Variants in SLC4A7 observed in about 807,000 individuals in gnomAD.
The protein encoded by SLC4A7 is solute carrier family 4 member 7.
A neutral mutation model predicts 137.6 loss-of-function variants in SLC4A7; 51 were observed. The observed-to-expected ratio is 0.37, with a 90% CI of 0.30 to 0.47. The LOEUF (loss-of-function observed/expected upper bound fraction) is 0.47, where lower values mean the gene tolerates loss of function less well. Among genes scored for constraint, SLC4A7 ranks in the 20% least tolerant of loss-of-function variants. SLC4A7 has a pLI of 1.00. For synonymous variants in SLC4A7, 542 were observed against 518.6 expected (o/e 1.05, Z -0.61); for missense variants, 1,247 against 1,525.4 (o/e 0.82, Z 3.04).
intron 14 of SLC4A7, among the ~76,000 whole-genome samples, chr3:27,403,808 C>T (rs1362137544): frequency 6.6e-6 from 1 of 152,126 alleles, no homozygotes; most frequent in African/African-American, 2.4e-5. Flanking sequence ...TAACCAGCTC[C>T]AACATCATTA....
chr3:27,390,195 A>T (rs770285150), intron 21 of SLC4A7, 91 bp from the exon 22 acceptor site: 1 of 562,118 alleles, frequency 1.8e-6, no homozygotes, highest in Non-Finnish European at 3.0e-6. Context: ...GATTTTGTGT[A>T]TTAAATTGTA....
At chr3:27,391,009 G>A (rs1302458327) in intron 21 of SLC4A7, among the ~76,000 whole-genome samples, 5 of 152,076 alleles carry the variant, frequency 3.3e-5, no homozygotes, top group African/African-American at 7.2e-5. Flanking sequence ...GTTTTGTAGA[G>A]GCAGGATCTC....
At chr3:27,427,234 C>A (rs1447231228) in intron 7 of SLC4A7, among the ~76,000 whole-genome samples, 1 of 152,132 alleles carries the variant, frequency 6.6e-6, no homozygotes, top group Admixed American at 6.5e-5. Flanking sequence ...AAGAATCATC[C>A]AGCCTAAAAT....
chr3:27,441,969 C>T (rs1441858947), intron 3 of SLC4A7, among the ~76,000 whole-genome samples: 1 of 151,760 alleles, frequency 6.6e-6, no homozygotes, highest in African/African-American at 2.4e-5. Context: ...GATCTCGGCT[C>T]ACTGCAACCT....
intron 1 of SLC4A7, chr3:27,462,720 C>G: frequency 2.7e-5 from 1 of 36,374 alleles, no homozygotes; most frequent in East Asian, 2.1e-3. Flanking sequence ...AATCTAAAAG[C>G]AACTCAGACT....
chr3:27,394,701 TCC>T lies in SLC4A7; in HGVS notation c.2932_2933del (p.Gly978ThrfsTer21). On this transcript the variant is annotated frameshift_variant, in exon 20 of 26. Coordinates refer to ENST00000454389, the MANE Select transcript of SLC4A7 (RefSeq NM_001321103.2). LOFTEE classifies it high-confidence loss of function. ...GVMLGVCSVM[G>X]LPWFVAATVL... is the part of the protein sequence containing the mutation. ...CTGTTGCAGCCACAAACCATGGAAGTCCCATGACAGAGCAAACTCCCAACATA... is the reference window on the plus strand; with the variant it reads ...CTGTTGCAGCCACAAACCATGGAAGTCATGACAGAGCAAACTCCCAACATA... 6.2e-7 allele frequency: 1 copy of T among 1,614,102 alleles called. No individual in the cohort carries two copies. Among genetic ancestry groups the T allele is most frequent in the Admixed American group, 1.7e-5 (1 of 60,010 alleles).
intron 22 of SLC4A7, among the ~76,000 whole-genome samples, chr3:27,387,239 T>A (rs2051060793): frequency 6.6e-6 from 1 of 152,224 alleles, no homozygotes; most frequent in African/African-American, 2.4e-5. Context: ...ATTATCATTA[T>A]CTTGTTATTC....
intron 3 of SLC4A7, among the ~76,000 whole-genome samples, chr3:27,441,962 C>T (rs1365516242): frequency 2.0e-5 from 3 of 151,548 alleles, no homozygotes; most frequent in Non-Finnish European, 4.4e-5. Context: ...GTGACACGAT[C>T]TCGGCTCACT....
chr3:27,400,065 C>CG (rs2052597419), intron 16 of SLC4A7, among the ~76,000 whole-genome samples: 1 of 152,110 alleles, frequency 6.6e-6, no homozygotes, highest in Non-Finnish European at 1.5e-5. Flanking sequence ...AAAAGCACAA[C>CG]GGTAGCTCAA....
intron 7 of SLC4A7, among the ~76,000 whole-genome samples, chr3:27,424,951 A>T (rs1435285820): frequency 6.6e-6 from 1 of 152,258 alleles, no homozygotes; most frequent in Non-Finnish European, 1.5e-5. Context: ...ATATTGAAGC[A>T]TTAGTATATT....
chr3:27,429,244 G>A (rs1034564571), intron 7 of SLC4A7, among the ~76,000 whole-genome samples: 1 of 151,614 alleles, frequency 6.6e-6, no homozygotes, highest in East Asian at 1.9e-4. Flanking sequence ...CCAGCCTGGC[G>A]ACAAAGCGAG....
At chr3:27,463,457 T>G (rs1050260995) in intron 1 of SLC4A7, among the ~76,000 whole-genome samples, 1 of 150,820 alleles carries the variant, frequency 6.6e-6, no homozygotes, top group Admixed American at 6.6e-5. Context: ...AATACAAAAA[T>G]TAGCCGAGCG....
At chr3:27,462,292 G>A (rs2058741461) in intron 1 of SLC4A7, among the ~76,000 whole-genome samples, 1 of 152,144 alleles carries the variant, frequency 6.6e-6, no homozygotes, top group Non-Finnish European at 1.5e-5. Context: ...TGACTTCTGT[G>A]TATCTACTCA....
In SLC4A7 at chr3:27,434,087, T is replaced by C. The variant is rs2056537674; in HGVS notation, c.607A>G (p.Met203Val). 1.2e-6 allele frequency: 2 copies of C among 1,612,276 alleles called. No individual in the cohort carries two copies. Among genetic ancestry groups the C allele is most frequent in the Non-Finnish European group, 1.7e-6 (2 of 1,179,188 alleles). Residue 203 changes from methionine (M) to valine (V), a missense_variant, in exon 6 of 26, where the codon ATG becomes GTG. Met to Val is a conservative substitution (Grantham distance 21, BLOSUM62 1). Transcript: ENST00000454389. ...TCGTCTAATTGGCCAGAAGCTATCA[T>C]GTTGTCTAATACCATATCTATTCAA... ...DEIADMVLDN[M>V]IASGQLDESI...
intron 1 of SLC4A7, among the ~76,000 whole-genome samples, chr3:27,458,470 T>G (rs2058525381): frequency 6.6e-6 from 1 of 152,162 alleles, no homozygotes; most frequent in Admixed American, 6.5e-5. Flanking sequence ...CAACTAAGGC[T>G]TCTAAACTTC....
chr3:27,439,291 G>A (rs1472611990), intron 3 of SLC4A7, among the ~76,000 whole-genome samples: 1 of 152,106 alleles, frequency 6.6e-6, no homozygotes, highest in East Asian at 1.9e-4. Flanking sequence ...CCAGGACAAG[G>A]AAAATAAAAG....
At chr3:27,411,784 A>C in intron 11 of SLC4A7, 36 bp from the exon 12 acceptor site, 1 of 1,225,894 alleles carries the variant, frequency 8.2e-7, no homozygotes, top group Non-Finnish European at 1.1e-6. Flanking sequence ...TCAGAATTCT[A>C]TTTTAAGAAA....
In SLC4A7 at chr3:27,409,550, C is replaced by A; in HGVS notation, c.1767-20G>T. ...AAAAGCCTAAATAGGTGAGATGAAA[C>A]TCGTCAAACTGTACACTAGAGGATT... is the stretch of plus-strand genomic sequence containing the variant. On this transcript the variant is annotated intron_variant, in intron 12 of 25. Transcript: ENST00000454389. 6.3e-7 allele frequency: 1 copy of A among 1,596,460 alleles called. No individual in the cohort carries two copies. Among genetic ancestry groups the A allele is most frequent in the Non-Finnish European group, 8.5e-7 (1 of 1,170,382 alleles).
intron 6 of SLC4A7, among the ~76,000 whole-genome samples, chr3:27,431,994 C>T (rs2056346843): frequency 6.6e-6 from 1 of 152,056 alleles, no homozygotes. Flanking sequence ...ACTGCTTAAA[C>T]AATAAATAGC....
Sources: gnomAD v4.1 joint callset for allele counts (sites outside exome capture counted in the v4.1 genomes callset) on GRCh38, gnomAD v4.1.1 for gene constraint, MANE v1.5 for transcripts, NCBI Gene and HGNC (gene_info 2026-07-23, HGNC 2026-07-21) for gene names.